PCLO: variants seen among roughly 807,000 people sequenced by gnomAD.
PCLO encodes the protein protein piccolo.
A neutral mutation model predicts 427.5 loss-of-function variants in PCLO; 82 were observed. The ratio of observed to expected loss-of-function variants is 0.19; its 90% CI spans 0.16 to 0.23. The LOEUF is 0.23. PCLO is among the 10% of genes least tolerant of loss of function. PCLO has a pLI of 1.00. For missense variants in PCLO, 6,239 were observed against 6,115.9 expected (o/e 1.02, Z -0.67); for synonymous variants, 2,357 against 2,155.4 (o/e 1.09, Z -2.59).
intron 20 of PCLO, among the ~76,000 whole-genome samples, chr7:82,813,266 T>A (rs1791610944): frequency 6.6e-6 from 1 of 151,694 alleles, no homozygotes; most frequent in Admixed American, 6.6e-5. Context: ...ATGTCATTAA[T>A]CTTTCTCCAA....
intron 3 of PCLO, among the ~76,000 whole-genome samples, chr7:83,108,676 T>C (rs1235276248): frequency 3.3e-5 from 5 of 152,104 alleles, no homozygotes; most frequent in Non-Finnish European, 5.9e-5. Context: ...GCTACTTTGA[T>C]TGTATTTCTT....
intron 3 of PCLO, among the ~76,000 whole-genome samples, chr7:83,128,688 A>T: frequency 6.6e-6 from 1 of 152,172 alleles, no homozygotes; most frequent in Admixed American, 6.5e-5. Flanking sequence ...TATCATTTTC[A>T]TGGAGTAAAG....
intron 3 of PCLO, among the ~76,000 whole-genome samples, chr7:83,087,623 T>G (rs1790271821): frequency 6.6e-6 from 1 of 152,124 alleles, no homozygotes; most frequent in Admixed American, 6.6e-5. Context: ...ATGGGTGAAT[T>G]TTATCATTTT....
intron 6 of PCLO, among the ~76,000 whole-genome samples, chr7:82,944,137 TAAAA>T (rs71096608): frequency 8.9e-5 from 3 of 33,890 alleles, no homozygotes; most frequent in African/African-American, 1.3e-4. Context: ...CAAGAATCCA[TAAAA>T]AAAAAAAAAA....
chr7:82,884,310 A>G (rs1793579648), intron 9 of PCLO, among the ~76,000 whole-genome samples: 1 of 152,206 alleles, frequency 6.6e-6, no homozygotes, highest in Non-Finnish European at 1.5e-5. Context: ...GGCATGGGAA[A>G]TAAGGAAGAC....
intron 6 of PCLO, among the ~76,000 whole-genome samples, chr7:82,926,867 T>C (rs1052777183): frequency 2.0e-5 from 3 of 150,250 alleles, no homozygotes; most frequent in African/African-American, 7.6e-5. Context: ...TATGTGAATG[T>C]ATGTGTACAT....
intron 3 of PCLO, among the ~76,000 whole-genome samples, chr7:83,037,311 C>T (rs934989701): frequency 7.9e-5 from 12 of 152,098 alleles, no homozygotes; most frequent in East Asian, 5.8e-4. Context: ...AACAAAACAG[C>T]GTTCTGCCAT....
At chr7:83,077,169 C>G (rs1048803889) in intron 3 of PCLO, among the ~76,000 whole-genome samples, 2 of 152,116 alleles carry the variant, frequency 1.3e-5, no homozygotes, top group Admixed American at 1.3e-4. Flanking sequence ...TAGAGTATAG[C>G]AAAGAAGTGG....
intron 3 of PCLO, among the ~76,000 whole-genome samples, chr7:83,044,944 T>C (rs1789068767): frequency 1.3e-5 from 2 of 152,110 alleles, no homozygotes. Context: ...GCAATAATGA[T>C]ATAATAAAGT....
intron 10 of PCLO, among the ~76,000 whole-genome samples, chr7:82,875,848 T>G (rs918242103): frequency 6.6e-6 from 1 of 152,102 alleles, no homozygotes; most frequent in Admixed American, 6.6e-5. Context: ...AAAATATTTT[T>G]AAAAGTCTGT....
chr7:82,889,784 A>G (rs1268474246), intron 9 of PCLO, among the ~76,000 whole-genome samples: 2 of 152,116 alleles, frequency 1.3e-5, no homozygotes, highest in Non-Finnish European at 2.9e-5. Flanking sequence ...AGAACCAGTC[A>G]TTACATTTAT....
chr7:82,964,539 G>T (rs1301474988), intron 4 of PCLO, among the ~76,000 whole-genome samples: 1 of 152,080 alleles, frequency 6.6e-6, no homozygotes, highest in East Asian at 1.9e-4. Flanking sequence ...AAAATCATCT[G>T]GACTTTGCAA....
chr7:83,158,979 A>G (rs1259108232), intron 1 of PCLO, among the ~76,000 whole-genome samples: 1 of 152,066 alleles, frequency 6.6e-6, no homozygotes, highest in Non-Finnish European at 1.5e-5. Flanking sequence ...ACTGTTAAAA[A>G]GAAAAGTGAT....
At chr7:83,019,378 A>G (rs12707536) in intron 3 of PCLO, among the ~76,000 whole-genome samples, 15,141 of 151,884 alleles carry the variant, frequency 0.1, 1,015 homozygotes, top group Non-Finnish European at 0.14. Context: ...GCTTATATTT[A>G]ATAATCTAAT....
intron 3 of PCLO, among the ~76,000 whole-genome samples, chr7:83,012,709 C>T (rs1247166126): frequency 6.7e-6 from 1 of 148,192 alleles, no homozygotes; most frequent in Non-Finnish European, 1.5e-5. Context: ...CAATTAACCT[C>T]TTTATAAACA....
chr7:83,070,296 G>A (rs149315859), intron 3 of PCLO, among the ~76,000 whole-genome samples: 18 of 152,158 alleles, frequency 1.2e-4, no homozygotes, highest in African/African-American at 3.6e-4. Context: ...GCAACCTCAC[G>A]AGGGACCTAG....
At chr7:82,921,188 C>T (rs1319840626) in intron 6 of PCLO, among the ~76,000 whole-genome samples, 1 of 151,806 alleles carries the variant, frequency 6.6e-6, no homozygotes, top group African/African-American at 2.4e-5. Flanking sequence ...TTCTATCAAA[C>T]TACCAACAAC....
chr7:82,947,143 A>G lies in PCLO; in HGVS notation c.11112+2333T>C, dbSNP rs532247715. Among the ~76,000 whole-genome samples, 18 of 152,166 alleles carry G rather than the reference A, an allele frequency of 1.2e-4. No homozygotes were observed. In the East Asian group the frequency reaches 2.7e-3, roughly 23 times the overall value. ...TACAATGACCTCCATTTTTCTCTCC[A>G]TGGTCCAGCAGAGGTCTCAATCTTC... On this transcript the variant is annotated intron_variant, in intron 6 of 24. Transcript: ENST00000333891.
intron 10 of PCLO, among the ~76,000 whole-genome samples, chr7:82,859,575 A>G (rs1228298736): frequency 1.3e-5 from 2 of 152,210 alleles, no homozygotes; most frequent in Non-Finnish European, 2.9e-5. Flanking sequence ...AAGCAGACAT[A>G]GCTTAGACCA....
Sources: gnomAD v4.1 joint callset for allele counts (sites outside exome capture counted in the v4.1 genomes callset) on GRCh38, gnomAD v4.1.1 for gene constraint, MANE v1.5 for transcripts, NCBI Gene and HGNC (gene_info 2026-07-23, HGNC 2026-07-21) for gene names.